GLIPR2: variants seen among roughly 807,000 people sequenced by gnomAD.
The protein encoded by GLIPR2 is Golgi-associated plant pathogenesis-related protein 1.
GLIPR2 carries 21 observed loss-of-function variants against 20.4 expected under a neutral mutation model. The ratio of observed to expected loss-of-function variants is 1.03; its 90% CI spans 0.73 to 1.48. The LOEUF (loss-of-function observed/expected upper bound fraction) is 1.48. Ranked by LOEUF, GLIPR2 falls within the 40% of genes most tolerant of loss-of-function variation. The pLI is 0.00. For missense variants in GLIPR2, 205 were observed against 200.1 expected, an observed-to-expected ratio of 1.02 and a Z score of -0.15; for synonymous variants, 91 against 80.5, an observed-to-expected ratio of 1.13 and a Z score of -0.70.
intron 4 of GLIPR2, among the ~76,000 whole-genome samples, chr9:36,154,227 A>G (rs1825732732): frequency 6.6e-6 from 1 of 151,788 alleles, no homozygotes; most frequent in East Asian, 1.9e-4. Context: ...CCTGATGAAT[A>G]ATATTTTTAT....
chr9:36,138,509 A>G (rs991883581), intron 1 of GLIPR2, among the ~76,000 whole-genome samples: 2 of 152,110 alleles, frequency 1.3e-5, no homozygotes, highest in African/African-American at 4.8e-5. Flanking sequence ...AGGTGCGCCC[A>G]GCCTAGGCTA....
chr9:36,162,074 C>T (rs776135109), intron 4 of GLIPR2, among the ~76,000 whole-genome samples: 4 of 152,114 alleles, frequency 2.6e-5, no homozygotes, highest in Non-Finnish European at 5.9e-5. Flanking sequence ...ACTTGGGAGG[C>T]TGAGGCAGGA....
At chr9:36,148,923 C>T (rs1047705512) in intron 3 of GLIPR2, among the ~76,000 whole-genome samples, 5 of 152,136 alleles carry the variant, frequency 3.3e-5, no homozygotes, top group African/African-American at 9.7e-5. Context: ...GCTCCCAGGC[C>T]GAGGAGTGGG....
intron 4 of GLIPR2, among the ~76,000 whole-genome samples, chr9:36,153,075 C>T (rs971954366): frequency 1.5e-5 from 2 of 134,536 alleles, no homozygotes; most frequent in Admixed American, 1.7e-4. Context: ...TTGCCGTGAG[C>T]GGAGATCGCC....
chr9:36,138,335 C>G (rs7037771), intron 1 of GLIPR2, among the ~76,000 whole-genome samples: 2,829 of 152,168 alleles, frequency 0.019, 87 homozygotes, highest in African/African-American at 0.064. Flanking sequence ...AGTCATTCTC[C>G]TGCCTCAGCC....
intron 1 of GLIPR2, among the ~76,000 whole-genome samples, chr9:36,139,026 C>T (rs779015098): frequency 3.9e-5 from 6 of 151,910 alleles, no homozygotes; most frequent in Admixed American, 1.3e-4. Flanking sequence ...GGGAGACTGC[C>T]GCAGTCACAA....
chr9:36,148,410 C>T, intron 2 of GLIPR2, 137 bp from the exon 3 acceptor site: 1 of 621,480 alleles, frequency 1.6e-6, no homozygotes, highest in Non-Finnish European at 2.9e-6. Context: ...TGCTGGGAGG[C>T]TCAGAAATCA....
In GLIPR2 at chr9:36,153,547, G is replaced by A. The variant is rs116764886; in HGVS notation, c.304+2598G>A. Among the ~76,000 whole-genome samples the A allele has an allele frequency of 4.6e-3, 706 of 152,190 alleles. 4 individuals are homozygous for A. The highest frequency in any genetic ancestry group is 0.016 in the African/African-American group (674 of 41,524). On this transcript the variant is annotated intron_variant, in intron 4 of 4. Transcript: ENST00000377960. ...CAGACCCTGTCTGCAACTCCTCCTT[G>A]CTGCATCTCTGTTCATGGATTCCCT...
At chr9:36,156,598 C>T (rs1487148019) in intron 4 of GLIPR2, among the ~76,000 whole-genome samples, 1 of 152,128 alleles carries the variant, frequency 6.6e-6, no homozygotes, top group African/African-American at 2.4e-5. Flanking sequence ...AACTCCTGGG[C>T]AGTGGACCTG....
At chr9:36,149,858 T>C (rs1396376908) in intron 3 of GLIPR2, among the ~76,000 whole-genome samples, 2 of 152,142 alleles carry the variant, frequency 1.3e-5, no homozygotes, top group Non-Finnish European at 2.9e-5. Flanking sequence ...AGAAACCCCA[T>C]CTGTACTAAA....
chr9:36,156,412 A>AT (rs71508017), intron 4 of GLIPR2, among the ~76,000 whole-genome samples: 1 of 139,214 alleles, frequency 7.2e-6, no homozygotes, highest in Non-Finnish European at 1.6e-5. Flanking sequence ...AAAAAAAAAA[A>AT]GAAATTGTAG....
At position 36,162,768 on chromosome 9, in the gene GLIPR2, A is replaced by T; in HGVS notation, c.*246A>T. On this transcript the variant is annotated 3_prime_UTR_variant, in exon 5 of 5. Coordinates refer to ENST00000377960, the MANE Select transcript of GLIPR2 (RefSeq NM_022343.4). The stretch of plus-strand genomic sequence containing the variant: ...GACCACGATTATTTGGATTGGGGGG[A>T]GGGGGGATCCGTTTTTTTTTTTTAA... 1.1e-5 allele frequency: 6 copies of T among 536,470 alleles called. No homozygotes were observed. Among genetic ancestry groups the T allele is most frequent in the Non-Finnish European group, 1.3e-5 (4 of 300,072 alleles). The allele number at this position is 536,470 out of a possible 1,614,324, so 33.2% of individuals were successfully genotyped here.
intron 1 of GLIPR2, among the ~76,000 whole-genome samples, chr9:36,146,467 T>A (rs1290737779): frequency 2.0e-5 from 3 of 152,328 alleles, no homozygotes; most frequent in Admixed American, 6.5e-5. Context: ...AAGTCTTAAC[T>A]TGTTCCAGCA....
chr9:36,152,589 A>C (rs2132755127), intron 4 of GLIPR2, among the ~76,000 whole-genome samples: 1 of 151,736 alleles, frequency 6.6e-6, no homozygotes, highest in East Asian at 2.0e-4. Flanking sequence ...GTCTCTACTA[A>C]AAATACAAAA....
chr9:36,143,273 C>T (rs375383034), intron 1 of GLIPR2, among the ~76,000 whole-genome samples: 5 of 152,166 alleles, frequency 3.3e-5, no homozygotes, highest in African/African-American at 1.2e-4. Context: ...CTCTTCAGAG[C>T]CCCAGGATAC....
intron 1 of GLIPR2, chr9:36,144,141 C>T (rs1423711195): frequency 1.3e-5 from 2 of 152,206 alleles, no homozygotes; most frequent in Non-Finnish European, 2.9e-5. Flanking sequence ...GCTGACCCTT[C>T]TTAAACTGGT....
chr9:36,148,800 G>A (rs955725758), intron 3 of GLIPR2, 150 bp downstream of exon 3: 35 of 618,826 alleles, frequency 5.7e-5, no homozygotes, highest in Middle Eastern at 3.8e-4. Flanking sequence ...TCTGCTCCCA[G>A]GCTGACTTCA....
At chr9:36,136,644 C>T (rs1032381454), upstream of GLIPR2, 1 of 626,352 alleles carries the variant, frequency 1.6e-6, no homozygotes, top group Non-Finnish European at 2.3e-6. The surrounding 1 kb of genome is among the most constrained non-coding windows in gnomAD (Gnocchi z 4.3). Context: ...GCTGTCGCTC[C>T]TTATAAGGCG....
chr9:36,143,896 C>T (rs1825203778), intron 1 of GLIPR2, among the ~76,000 whole-genome samples: 1 of 152,194 alleles, frequency 6.6e-6, no homozygotes, highest in Admixed American at 6.5e-5. Context: ...TACCCACTGG[C>T]CCCAGCTTTC....
Sources: gnomAD v4.1 joint callset for allele counts (sites outside exome capture counted in the v4.1 genomes callset) on GRCh38, gnomAD v4.1.1 for gene constraint, Gnocchi (gnomAD v3.1) non-coding constraint, MANE v1.5 for transcripts, NCBI Gene and HGNC (gene_info 2026-07-23, HGNC 2026-07-21) for gene names.